The following SPECC1L variants were observed in gnomAD, a reference collection of about 807,000 sequenced individuals.
The protein encoded by SPECC1L is cytospin-A.
A neutral mutation model predicts 116.8 loss-of-function variants in SPECC1L; 40 were observed. The ratio of observed to expected loss-of-function variants is 0.34; its 90% CI spans 0.27 to 0.45. SPECC1L has a LOEUF of 0.45. Among genes scored for constraint, SPECC1L ranks in the 20% least tolerant of loss-of-function variants. The pLI, the probability that SPECC1L is intolerant of heterozygous loss-of-function variation, is 1.00. For missense variants in SPECC1L, 1,110 were observed against 1,373.6 expected (o/e 0.81, Z 3.03); for synonymous variants, 504 against 500.6 (o/e 1.01, Z -0.09).
chr22:24,276,210 G>A (rs1056094886), intron 1 of SPECC1L, among the ~76,000 whole-genome samples: 14 of 152,034 alleles, frequency 9.2e-5, no homozygotes, highest in African/African-American at 3.4e-4. Context: ...GACCCTGTCT[G>A]TACAGATAAA....
At chr22:24,289,238 A>G (rs927423327) in intron 2 of SPECC1L, among the ~76,000 whole-genome samples, 7 of 152,210 alleles carry the variant, frequency 4.6e-5, no homozygotes, top group African/African-American at 1.7e-4. Flanking sequence ...AATTTTTTGC[A>G]TTCTGGCAGT....
chr22:24,400,067 T>C lies in SPECC1L; in HGVS notation c.3088-11521T>C, dbSNP rs569284143. 2.0e-5 allele frequency among the ~76,000 whole-genome samples: 3 copies of C among 152,364 alleles called. No individual in the cohort carries two copies. The East Asian group carries it at 5.8e-4, about 29-fold the overall frequency. On this transcript the variant is annotated intron_variant, in intron 14 of 16. Coordinates refer to ENST00000314328, the MANE Select transcript of SPECC1L (RefSeq NM_015330.6). ...CTGTACTTCAGAACATCTGGCAGCCTCTTTTATTTGAGTAAAACATATGTA... is the reference window on the plus strand; with the variant it reads ...CTGTACTTCAGAACATCTGGCAGCCCCTTTTATTTGAGTAAAACATATGTA...
At chr22:24,323,246 C>T (rs1349426104) in intron 5 of SPECC1L, 5 of 282,638 alleles carry the variant, frequency 1.8e-5, no homozygotes, top group Non-Finnish European at 2.7e-5. Flanking sequence ...CCCCCCGCCT[C>T]ATCTCGAATC....
intron 2 of SPECC1L, among the ~76,000 whole-genome samples, chr22:24,282,671 TA>T (rs1341619103): frequency 1.3e-5 from 2 of 152,170 alleles, no homozygotes; most frequent in Non-Finnish European, 2.9e-5. Context: ...ATTTTTTTAA[TA>T]AGGAATGAAT....
At chr22:24,377,206 A>G (rs777248055) in intron 14 of SPECC1L, among the ~76,000 whole-genome samples, 1 of 152,298 alleles carries the variant, frequency 6.6e-6, no homozygotes, top group Non-Finnish European at 1.5e-5. Flanking sequence ...TGGCCAAACA[A>G]TATTCCATTG....
chr22:24,298,694 C>G (rs1257031425), intron 2 of SPECC1L, among the ~76,000 whole-genome samples: 1 of 152,212 alleles, frequency 6.6e-6, no homozygotes, highest in Non-Finnish European at 1.5e-5. Flanking sequence ...GCAGAGATGT[C>G]CCAGCTCAGC....
Position 24,276,796 on chromosome 22 carries a change from C to G in SPECC1L, c.-45C>G. The G allele has an allele frequency of 2.2e-6, 1 of 453,572 alleles. No homozygotes were observed. The highest frequency in any genetic ancestry group is 7.0e-5 in the East Asian group (1 of 14,380). 28.1% of individuals were successfully genotyped at this position (453,572 alleles called of 1,614,324 possible). On this transcript the variant is annotated 5_prime_UTR_variant, in exon 2 of 17. Transcript: ENST00000314328. ...CCGATGGGGCTACTTTATTCCAGAA[C>G]AATCACAGTGAGACCTTTTCTCCCA...
At chr22:24,334,062 G>T (rs2040995668) in intron 8 of SPECC1L, among the ~76,000 whole-genome samples, 1 of 150,368 alleles carries the variant, frequency 6.7e-6, no homozygotes, top group Admixed American at 6.6e-5. Context: ...GCCCAGGCCG[G>T]ACTGCAGTGG....
In SPECC1L at chr22:24,321,634, T is replaced by A. The variant is rs149182202; in HGVS notation, c.654T>A (p.Asp218Glu). The A allele has an allele frequency of 1.2e-6, 2 of 1,614,158 alleles. No homozygotes were observed. Among genetic ancestry groups the A allele is most frequent in the African/African-American group, 2.7e-5 (2 of 75,020 alleles). Residue 218 changes from aspartate (D) to glutamate (E), a missense_variant, in exon 5 of 17, where the codon GAT becomes GAA. This residue lies in a region of SPECC1L where 437 missense variants were observed against 482.6 expected (regional missense o/e 0.91). Transcript: ENST00000314328. ...GTGCCCAGCTGGGCATTAATGAGGA[T>A]CATTCTGAGGGTGATGAAAAATCTG... ...DMRAQLGINEDHSEGDEKSEK... is the reference protein window; with the variant it reads ...DMRAQLGINEEHSEGDEKSEK...
chr22:24,391,976 T>C (rs1364726286), intron 14 of SPECC1L, among the ~76,000 whole-genome samples: 1 of 152,220 alleles, frequency 6.6e-6, no homozygotes, highest in African/African-American at 2.4e-5. Flanking sequence ...TTCATGTGAA[T>C]CAGCACCCAC....
At chr22:24,308,649 C>T in intron 3 of SPECC1L, among the ~76,000 whole-genome samples, 1 of 104,140 alleles carries the variant, frequency 9.6e-6, no homozygotes, top group East Asian at 2.8e-4. Flanking sequence ...GTACATATAT[C>T]TATCCTTTTT....
intron 4 of SPECC1L, among the ~76,000 whole-genome samples, chr22:24,317,508 A>T (rs1176631995): frequency 8.5e-6 from 1 of 117,810 alleles, no homozygotes; most frequent in South Asian, 2.8e-4. Context: ...TCCCTCCCGG[A>T]CGGGGCGGCT....
At chr22:24,291,417 T>C (rs2049153333) in intron 2 of SPECC1L, among the ~76,000 whole-genome samples, 1 of 152,208 alleles carries the variant, frequency 6.6e-6, no homozygotes, top group Non-Finnish European at 1.5e-5. Context: ...CTCCATACTA[T>C]GTATTTTCAT....
intron 2 of SPECC1L, among the ~76,000 whole-genome samples, chr22:24,293,039 G>A (rs1469682351): frequency 1.4e-4 from 21 of 151,900 alleles, no homozygotes; most frequent in East Asian, 5.8e-4. Context: ...AGGCTGAGGC[G>A]GAGCTCAGGC....
intron 14 of SPECC1L, among the ~76,000 whole-genome samples, chr22:24,400,139 A>G (rs1569448538): frequency 6.6e-6 from 1 of 152,226 alleles, no homozygotes; most frequent in African/African-American, 2.4e-5. Flanking sequence ...ATTCGGTAGC[A>G]TTAAGTGCAT....
intron 11 of SPECC1L, among the ~76,000 whole-genome samples, chr22:24,361,310 G>A (rs2041638242): frequency 6.6e-6 from 1 of 150,518 alleles, no homozygotes; most frequent in Admixed American, 6.7e-5. Flanking sequence ...GATCACTTGA[G>A]CCTGAGAAGT....
chr22:24,327,277 CAAAAAAAAAAA>C (rs58725731), intron 6 of SPECC1L, among the ~76,000 whole-genome samples: 29 of 41,960 alleles, frequency 6.9e-4, no homozygotes, highest in Admixed American at 7.5e-4. Flanking sequence ...GACTCCGTCT[CAAAAAAAAAAA>C]AAAAAAAAAA....
chr22:24,380,458 A>G (rs1255328199), intron 14 of SPECC1L, among the ~76,000 whole-genome samples: 8 of 152,148 alleles, frequency 5.3e-5, no homozygotes, highest in Admixed American at 5.2e-4. Flanking sequence ...TAATGCTTGG[A>G]ACGTGCGTGC....
At chr22:24,361,892 A>G (rs2041652890) in intron 11 of SPECC1L, among the ~76,000 whole-genome samples, 1 of 152,092 alleles carries the variant, frequency 6.6e-6, no homozygotes, top group Non-Finnish European at 1.5e-5. Flanking sequence ...AAAAAGAAGA[A>G]AAAAGAAGAG....
Sources: allele counts gnomAD v4.1 joint callset (sites outside exome capture counted in the v4.1 genomes callset), GRCh38; gene constraint gnomAD v4.1.1; regional missense constraint gnomAD v4.1.1; transcripts MANE v1.5; gene names NCBI Gene and HGNC (gene_info 2026-07-23, HGNC 2026-07-21).